The following R3HDM2 variants were observed in gnomAD, a reference collection of about 807,000 sequenced individuals.
The protein encoded by R3HDM2 is R3H domain containing 2.
A neutral mutation model predicts 124.5 loss-of-function variants in R3HDM2; 38 were observed. The observed-to-expected ratio is 0.31, with a 90% CI of 0.24 to 0.40. The LOEUF (loss-of-function observed/expected upper bound fraction) is 0.40, where lower values mean the gene tolerates loss of function less well. Ranked by LOEUF, R3HDM2 falls within the 10% of genes least tolerant of loss-of-function variation. The pLI is 1.00. For synonymous variants in R3HDM2, 391 were observed against 448.0 expected (o/e 0.87, Z 1.61); for missense variants, 869 against 1,236.9 (o/e 0.70, Z 4.46).
At position 57,340,553 on chromosome 12, in the gene R3HDM2, T is replaced by C. The variant is rs117606792; in HGVS notation, c.-35-30090A>G. 8.2e-3 allele frequency among the ~76,000 whole-genome samples: 1,245 copies of C among 152,260 alleles called. 29 individuals carry two copies. Among genetic ancestry groups the C allele is most frequent in the Admixed American group, 0.042 (649 of 15,278 alleles). ...AGATTGTGTTGGTCTGAAACATTTA[T>C]GGCTGTAATAAATATTAATATAATT... On this transcript the variant is annotated intron_variant, in intron 2 of 23. Transcript: ENST00000402412.
chr12:57,303,379 A>G (rs1453987108), intron 3 of R3HDM2, among the ~76,000 whole-genome samples, 162 bp from the exon 4 acceptor site: 1 of 152,150 alleles, frequency 6.6e-6, no homozygotes, highest in Non-Finnish European at 1.5e-5. Context: ...ACAACCTACA[A>G]CTCTAACAAC....
chr12:57,292,602 T>C lies in R3HDM2; in HGVS notation c.876A>G (p.Gln292=). ...GGGCAAATATTCTCTCTCGGACCCT[T>C]TGATATTCCTCCTCTCTCTCTTCTA... ...KSIEEREEEY[Q]RVRERIFARE... is the part of the protein sequence containing the mutation. Residue 292 remains glutamine (Q), a synonymous_variant, in exon 11 of 24, where the codon CAA becomes CAG. Transcript: ENST00000402412. 6.5e-7 allele frequency: 1 copy of C among 1,550,306 alleles called. No individual in the cohort carries two copies. The highest frequency in any genetic ancestry group is 8.7e-7 in the Non-Finnish European group (1 of 1,146,844).
intron 2 of R3HDM2, among the ~76,000 whole-genome samples, chr12:57,335,321 C>A (rs1045172231): frequency 3.3e-5 from 5 of 151,698 alleles, no homozygotes; most frequent in Admixed American, 3.3e-4. Context: ...GATTCTCCTG[C>A]CTTAGCCTCC....
intron 1 of R3HDM2, among the ~76,000 whole-genome samples, chr12:57,398,844 T>C (rs2067811130): frequency 1.3e-5 from 2 of 152,196 alleles, no homozygotes; most frequent in Non-Finnish European, 2.9e-5. Context: ...ATGGCAGTCA[T>C]ATCTGGCAGT....
At chr12:57,430,489 G>GCCCCCCCACCCCCCCCCACCCCCCCC in intron 1 of R3HDM2, 2 of 790,578 alleles carry the variant, frequency 2.5e-6, no homozygotes, top group Non-Finnish European at 3.1e-6. Context: ...CCACCCCCCT[G>GCCCCCCCACCCCCCCCCACCCCCCCC]CCCCCGCACC....
chr12:57,326,053 G>A (rs534051984), intron 2 of R3HDM2, among the ~76,000 whole-genome samples: 2 of 152,220 alleles, frequency 1.3e-5, no homozygotes, highest in South Asian at 4.1e-4. Context: ...TGTTGTAACT[G>A]TTTGGGGGCA....
intron 1 of R3HDM2, among the ~76,000 whole-genome samples, chr12:57,402,675 C>T (rs575031296): frequency 1.3e-5 from 2 of 152,032 alleles, no homozygotes; most frequent in East Asian, 1.9e-4. Flanking sequence ...GAGGCTGAGG[C>T]GGGAGAATCA....
At chr12:57,384,268 G>A (rs964785635) in intron 2 of R3HDM2, among the ~76,000 whole-genome samples, 3 of 151,784 alleles carry the variant, frequency 2.0e-5, no homozygotes, top group Non-Finnish European at 2.9e-5. Flanking sequence ...GCAGGAGAAT[G>A]GCGTGAACCC....
intron 2 of R3HDM2, among the ~76,000 whole-genome samples, chr12:57,359,192 C>T (rs1395297019): frequency 6.6e-6 from 1 of 152,096 alleles, no homozygotes; most frequent in Non-Finnish European, 1.5e-5. Context: ...GCCGGGATTA[C>T]AGGCGTGAAC....
rs992403486 is a variant in R3HDM2 at position 57,361,278 on chromosome 12, G to C, written c.-36+34471C>G. Among the ~76,000 whole-genome samples, 10 of 150,302 alleles carry C rather than the reference G, an allele frequency of 6.7e-5. No individual in the cohort carries two copies. The East Asian group carries it at 1.6e-3, about 23-fold the overall frequency. On this transcript the variant is annotated intron_variant, in intron 2 of 23. Coordinates refer to ENST00000402412, the MANE Select transcript of R3HDM2 (RefSeq NM_001394031.1). ...TAATCCCAGCTACTTGGGAGGCTGA[G>C]GCAGGAGAATCGCTGGAACCTGTGA... is the stretch of plus-strand genomic sequence containing the variant.
intron 1 of R3HDM2, among the ~76,000 whole-genome samples, chr12:57,397,141 C>A (rs1341241852): frequency 6.6e-6 from 1 of 152,086 alleles, no homozygotes; most frequent in African/African-American, 2.4e-5. Flanking sequence ...AAACTAGGAT[C>A]TCTCTTAATA....
chr12:57,319,078 T>C (rs1383362503), intron 2 of R3HDM2, among the ~76,000 whole-genome samples: 1 of 152,186 alleles, frequency 6.6e-6, no homozygotes, highest in Non-Finnish European at 1.5e-5. Context: ...TTTAGAAGCT[T>C]TCTCATTCTC....
At chr12:57,331,885 G>A (rs2058245826) in intron 2 of R3HDM2, among the ~76,000 whole-genome samples, 1 of 151,374 alleles carries the variant, frequency 6.6e-6, no homozygotes, top group Non-Finnish European at 1.5e-5. Flanking sequence ...CTGTACTACA[G>A]TGTGGGTGAC....
intron 2 of R3HDM2, among the ~76,000 whole-genome samples, chr12:57,376,963 TA>T (rs2064143175): frequency 2.0e-5 from 3 of 150,300 alleles, no homozygotes; most frequent in Non-Finnish European, 3.0e-5. Context: ...AAATAAAAAA[TA>T]AAAAAAAATT....
At chr12:57,409,048 T>C (rs929138546) in intron 1 of R3HDM2, among the ~76,000 whole-genome samples, 2 of 152,144 alleles carry the variant, frequency 1.3e-5, no homozygotes, top group Admixed American at 6.6e-5. Flanking sequence ...ATCTAATCCA[T>C]TATATCCTGC....
chr12:57,345,069 G>C (rs1489010508), intron 2 of R3HDM2, among the ~76,000 whole-genome samples: 1 of 151,892 alleles, frequency 6.6e-6, no homozygotes, highest in Admixed American at 6.6e-5. Flanking sequence ...CCCGACCTCG[G>C]GTGATCTGCC....
intron 14 of R3HDM2, among the ~76,000 whole-genome samples, chr12:57,273,805 C>G (rs1357768113): frequency 6.6e-6 from 1 of 152,184 alleles, no homozygotes; most frequent in Non-Finnish European, 1.5e-5. Flanking sequence ...TCAATATCCT[C>G]TCCTGCCACA....
chr12:57,402,098 C>T (rs1431328700), intron 1 of R3HDM2, among the ~76,000 whole-genome samples: 2 of 151,958 alleles, frequency 1.3e-5, no homozygotes, highest in Non-Finnish European at 2.9e-5. Flanking sequence ...AGTTAGAGAC[C>T]ATCCTGGCCA....
chr12:57,410,867 G>C (rs527327828), intron 1 of R3HDM2, among the ~76,000 whole-genome samples: 1 of 151,972 alleles, frequency 6.6e-6, no homozygotes, highest in African/African-American at 2.4e-5. Flanking sequence ...TAAATAAAAA[G>C]AAATTCTATT....
Sources: gnomAD v4.1 joint callset for allele counts (sites outside exome capture counted in the v4.1 genomes callset) on GRCh38, gnomAD v4.1.1 for gene constraint, MANE v1.5 for transcripts, NCBI Gene and HGNC (gene_info 2026-07-23, HGNC 2026-07-21) for gene names.